Variants in TENM3 observed in about 807,000 individuals in gnomAD.
TENM3 encodes the protein teneurin transmembrane protein 3, also known as teneurin-3.
Under a neutral mutation model 255.1 loss-of-function variants are expected in TENM3, and 63 were observed. The observed-to-expected ratio is 0.25, with a 90% CI of 0.20 to 0.30. TENM3 has a LOEUF of 0.30. TENM3 is among the 10% of genes least tolerant of loss of function. The pLI, the probability that TENM3 is intolerant of heterozygous loss-of-function variation, is 1.00. For missense variants in TENM3, 2,929 were observed against 3,461.1 expected (o/e 0.85, Z 3.86); for synonymous variants, 1,306 against 1,322.3 (o/e 0.99, Z 0.27).
chr4:182,519,800 G>A (rs1413857191), intron 3 of TENM3, among the ~76,000 whole-genome samples: 2 of 152,014 alleles, frequency 1.3e-5, no homozygotes, highest in African/African-American at 2.4e-5. Flanking sequence ...GTTTTATTTG[G>A]GAAGGAAATA....
chr4:182,507,067 T>A (rs541048571), intron 3 of TENM3, among the ~76,000 whole-genome samples: 1 of 152,172 alleles, frequency 6.6e-6, no homozygotes, highest in African/African-American at 2.4e-5. Context: ...TAGGTCACAG[T>A]CCTAAGAGAG....
intron 3 of TENM3, chr4:182,448,875 G>C (rs1184773257): frequency 4.7e-6 from 1 of 210,862 alleles, no homozygotes; most frequent in African/African-American, 2.4e-5. Context: ...GGGAGGCGGC[G>C]GTGGCGGCCC....
chr4:181,721,593 C>A, the TENM3 span, among the ~76,000 whole-genome samples: 1 of 21,008 alleles, frequency 4.8e-5, no homozygotes. Context: ...GAGCGAGACT[C>A]CGTCTCAAAA....
the TENM3 span, among the ~76,000 whole-genome samples, chr4:181,881,948 A>G: frequency 6.6e-6 from 1 of 152,214 alleles, no homozygotes; most frequent in Non-Finnish European, 1.5e-5. Context: ...TATTCCTCAC[A>G]TTCATGCAAC....
rs1762643807 is a variant in TENM3 at position 182,755,263 on chromosome 4, A to C, written c.4892+4A>C. On this transcript the variant is annotated splice_donor_region_variant and intron_variant, in intron 22 of 27. Coordinates refer to ENST00000511685, the MANE Select transcript of TENM3 (RefSeq NM_001080477.4). ...CTGGATGGACAACGTTTTTTGAGTA[A>C]GTATATGAAAATTCTACTCTGATTA... The C allele has an allele frequency of 3.2e-6, 5 of 1,579,438 alleles. No homozygotes were observed. Among genetic ancestry groups the C allele is most frequent in the Non-Finnish European group, 4.3e-6 (5 of 1,169,884 alleles).
At position 182,793,316 on chromosome 4, in the gene TENM3, G is replaced by A. The variant is rs765868760; in HGVS notation, c.6644G>A (p.Arg2215Gln). The change falls in exon 26 of 28, where the codon CGA becomes CAA. Residue 2215 changes from arginine (R) to glutamine (Q), a missense_variant. Physicochemically the swap from Arg to Gln is conservative, Grantham distance 43. This residue lies in a region of TENM3 where 256 missense variants were observed against 389.3 expected (regional missense o/e 0.66). Transcript: ENST00000511685. The surrounding 1 kb of genome is among the most constrained non-coding windows in gnomAD (Gnocchi z 5.7). The part of the protein sequence containing the change: ...FEYSSKGLLT[R>Q]VYSKGSGWTV... ...TATAGCTCCAAGGGGCTTCTAACTC[G>A]AGTTTACAGTAAAGGCAGTGGCTGG... The A allele has an allele frequency of 2.5e-6, 4 of 1,613,814 alleles. No individual in the cohort carries two copies. Among genetic ancestry groups the A allele is most frequent in the Non-Finnish European group, 3.4e-6 (4 of 1,179,788 alleles).
intron 3 of TENM3, among the ~76,000 whole-genome samples, chr4:182,436,818 G>A (rs1772082241): frequency 6.6e-6 from 1 of 152,052 alleles, no homozygotes; most frequent in Non-Finnish European, 1.5e-5. Flanking sequence ...AGGAGTTCGA[G>A]ACCAGCCTGG....
At chr4:182,078,243 G>A in the TENM3 span, among the ~76,000 whole-genome samples, 5 of 151,504 alleles carry the variant, frequency 3.3e-5, no homozygotes, top group South Asian at 1.0e-3. Context: ...AAACGAAACA[G>A]CCGGGTGCAG....
rs182196929 is a variant in TENM3 at position 182,684,319 on chromosome 4, T to G, written c.2035+2305T>G. Among the ~76,000 whole-genome samples, 151 of 151,090 alleles carry G rather than the reference T, an allele frequency of 1.0e-3. 1 individual carries two copies. The highest frequency in any genetic ancestry group is 3.5e-3 in the African/African-American group (142 of 41,124). On this transcript the variant is annotated intron_variant, in intron 11 of 27. Coordinates refer to ENST00000511685, the MANE Select transcript of TENM3 (RefSeq NM_001080477.4). ...AAGTCTTGGCTTCAGTGAAGGGGTC[T>G]ATCTACTTTCCTGCCCACACTGATT...
At chr4:181,545,844 T>A in the TENM3 span, among the ~76,000 whole-genome samples, 1 of 150,660 alleles carries the variant, frequency 6.6e-6, no homozygotes, top group Admixed American at 6.6e-5. Context: ...ATACTTTGAT[T>A]TGAAGAAAGA....
chr4:182,204,230 A>G (rs1579704666), intron 1 of TENM3, among the ~76,000 whole-genome samples: 1 of 152,352 alleles, frequency 6.6e-6, no homozygotes, highest in African/African-American at 2.4e-5. Context: ...GCTCTGATAC[A>G]GATTTCAAAT....
chr4:182,650,901 TATATATATATATATATATATATAA>T (rs1187749009), intron 5 of TENM3, among the ~76,000 whole-genome samples: 4 of 18,846 alleles, frequency 2.1e-4, no homozygotes, highest in East Asian at 8.4e-4. Flanking sequence ...TATATATATA[TATATATATATATATATATATATAA>T]AACAAAGCTG....
chr4:181,937,431 G>A, the TENM3 span, among the ~76,000 whole-genome samples: 1 of 152,214 alleles, frequency 6.6e-6, no homozygotes, highest in Non-Finnish European at 1.5e-5. Context: ...AAGAGGGGCA[G>A]GGCATCTAGG....
chr4:182,568,462 G>A (rs1385853014), intron 3 of TENM3, among the ~76,000 whole-genome samples: 1 of 152,198 alleles, frequency 6.6e-6, no homozygotes, highest in African/African-American at 2.4e-5. Context: ...GTATGAGTAA[G>A]TTTACCCCGT....
At position 182,754,558 on chromosome 4, in the gene TENM3, G is replaced by A. The variant is rs112870880; in HGVS notation, c.4191G>A (p.Ala1397=). ...TGGAATATCCTGTGGGGAAGCACGC[G>A]GTGCAGACAACACTGGAATCAGCCA... ...PGVEYPVGKH[A]VQTTLESATA... Residue 1397 remains alanine, a synonymous_variant, in exon 22 of 28, where the codon GCG becomes GCA. Transcript: ENST00000511685. The surrounding 1 kb of genome is among the most constrained non-coding windows in gnomAD (Gnocchi z 5.1). 1,514 of 1,613,944 alleles carry A rather than the reference G, an allele frequency of 9.4e-4. 10 individuals carry two copies. In the African/African-American group the frequency reaches 0.016, roughly 17 times the overall value.
chr4:181,482,465 C>T, the TENM3 span, among the ~76,000 whole-genome samples: 85 of 151,974 alleles, frequency 5.6e-4, no homozygotes, highest in Non-Finnish European at 7.5e-4. Context: ...AAATGAGTAG[C>T]GATGGTTCAG....
intron 3 of TENM3, among the ~76,000 whole-genome samples, chr4:182,525,648 G>C (rs921483752): frequency 6.6e-5 from 10 of 152,314 alleles, no homozygotes; most frequent in African/African-American, 2.4e-4. Context: ...GCCACGTTTG[G>C]GAGTTGTAGT....
At chr4:181,618,031 A>G in the TENM3 span, among the ~76,000 whole-genome samples, 13 of 152,342 alleles carry the variant, frequency 8.5e-5, no homozygotes, top group Admixed American at 2.6e-4. Context: ...CTACATATAC[A>G]TAGCACAATC....
chr4:182,320,747 T>C (rs1475422137), intron 1 of TENM3, among the ~76,000 whole-genome samples: 1 of 152,198 alleles, frequency 6.6e-6, no homozygotes, highest in Non-Finnish European at 1.5e-5. Context: ...CTTTGTAGCA[T>C]GAAAATGGCC....
Sources: allele counts gnomAD v4.1 joint callset (sites outside exome capture counted in the v4.1 genomes callset), GRCh38; gene constraint gnomAD v4.1.1; regional missense constraint gnomAD v4.1.1; non-coding constraint Gnocchi (gnomAD v3.1); transcripts MANE v1.5; gene names NCBI Gene and HGNC (gene_info 2026-07-23, HGNC 2026-07-21).